The following TOGARAM1 variants were observed in gnomAD, a reference collection of about 807,000 sequenced individuals.
TOGARAM1 encodes TOG array regulator of axonemal microtubules protein 1.
A neutral mutation model predicts 166.6 loss-of-function variants in TOGARAM1; 100 were observed. The ratio of observed to expected loss-of-function variants is 0.60; its 90% confidence interval spans 0.51 to 0.71. The LOEUF (loss-of-function observed/expected upper bound fraction) is 0.71. TOGARAM1 is among the 30% of genes least tolerant of loss of function. The pLI is 0.00. For synonymous variants in TOGARAM1, 758 were observed against 763.8 expected (o/e 0.99, Z 0.13); for missense variants, 2,029 against 2,102.7 (o/e 0.96, Z 0.69).
chr14:45,008,957 A>G lies in TOGARAM1; in HGVS notation c.2949A>G (p.Lys983=), dbSNP rs1049915678. The change falls in exon 6 of 20, where the codon AAA becomes AAG. Residue 983 remains lysine, a synonymous_variant. Coordinates refer to ENST00000361462, the MANE Select transcript of TOGARAM1 (RefSeq NM_001308120.2). Reference sequence around the variant, plus strand: ...CCCTTCGTAATAGTGCAGCTAAGAAAAGAGCAAAACTGAGTGGCAGTACTT... The same window carrying G: ...CCCTTCGTAATAGTGCAGCTAAGAAGAGAGCAAAACTGAGTGGCAGTACTT... ...LRSLRNSAAK[K]RAKLSGSTSD... 1.9e-6 allele frequency: 3 copies of G among 1,614,014 alleles called. No individual in the cohort carries two copies. Among genetic ancestry groups the G allele is most frequent in the Non-Finnish European group, 2.5e-6 (3 of 1,179,996 alleles).
intron 11 of TOGARAM1, among the ~76,000 whole-genome samples, chr14:45,041,294 C>T (rs1594682764): frequency 6.7e-6 from 1 of 150,356 alleles, no homozygotes; most frequent in Non-Finnish European, 1.5e-5. Flanking sequence ...CCAGCTACTC[C>T]AGAGGCTGAG....
At chr14:45,052,413 A>G (rs1359225403) in intron 14 of TOGARAM1, 23 bp from the exon 15 acceptor site, 24 of 1,599,444 alleles carry the variant, frequency 1.5e-5, no homozygotes, top group Non-Finnish European at 2.0e-5. Flanking sequence ...AAAGTAATAT[A>G]CCTGTTTTTC....
intron 1 of TOGARAM1, among the ~76,000 whole-genome samples, chr14:44,994,321 G>T (rs1295593432): frequency 6.6e-6 from 1 of 152,060 alleles, no homozygotes; most frequent in African/African-American, 2.4e-5. Flanking sequence ...GTTTCACCAT[G>T]TTAGCCAGGC....
chr14:45,027,565 C>A, intron 9 of TOGARAM1, 91 bp downstream of exon 9: 1 of 1,030,914 alleles, frequency 9.7e-7, no homozygotes, highest in Non-Finnish European at 1.3e-6. Context: ...GAAAGTATTT[C>A]AATTAAAATT....
At chr14:44,977,543 A>C (rs1886276682) in intron 1 of TOGARAM1, among the ~76,000 whole-genome samples, 1 of 151,864 alleles carries the variant, frequency 6.6e-6, no homozygotes, top group African/African-American at 2.4e-5. Flanking sequence ...GCCAAGACTG[A>C]CTTTTTAAAT....
rs895110947 is a variant in TOGARAM1 at position 45,032,098 on chromosome 14, T to C, written c.3659-125T>C. On this transcript the variant is annotated intron_variant, in intron 10 of 19. Transcript: ENST00000361462. ...TTGCTTGAAGCAGGGAAGTGGAGGT[T>C]GCAGTGAGCTAAGATCGTACTACTG... is the stretch of plus-strand genomic sequence containing the variant. 32 of 747,354 alleles carry C rather than the reference T, an allele frequency of 4.3e-5. No individual in the cohort carries two copies. The African/African-American group carries it at 5.5e-4, about 13-fold the overall frequency. 46.3% of individuals were successfully genotyped at this position (747,354 alleles called of 1,614,324 possible). A position where few individuals can be genotyped will look rare whatever the true frequency, so the allele number is the denominator to read the frequency against.
chr14:45,032,641 T>C (rs1881227569), intron 11 of TOGARAM1, among the ~76,000 whole-genome samples: 2 of 152,208 alleles, frequency 1.3e-5, no homozygotes, highest in African/African-American at 2.4e-5. Flanking sequence ...GATAATGAGA[T>C]ACAAATTTCA....
intron 11 of TOGARAM1, among the ~76,000 whole-genome samples, chr14:45,041,645 ACTT>A (rs1190155154): frequency 6.6e-6 from 1 of 152,190 alleles, no homozygotes; most frequent in Non-Finnish European, 1.5e-5. Context: ...TTAACACAGA[ACTT>A]CTTATTTCCC....
chr14:45,038,616 C>G (rs919954090), intron 11 of TOGARAM1, among the ~76,000 whole-genome samples: 1 of 152,212 alleles, frequency 6.6e-6, no homozygotes, highest in African/African-American at 2.4e-5. Context: ...ACTGCAGAAC[C>G]CCAAAGAGAG....
At chr14:45,054,610 G>T in intron 16 of TOGARAM1, 61 bp downstream of exon 16, 1 of 1,233,192 alleles carries the variant, frequency 8.1e-7, no homozygotes, top group South Asian at 1.5e-5. Flanking sequence ...AGTCTCATTT[G>T]GATGTTTTCA....
intron 7 of TOGARAM1, among the ~76,000 whole-genome samples, chr14:45,022,712 A>G (rs901187244): frequency 2.7e-4 from 41 of 152,122 alleles, no homozygotes; most frequent in African/African-American, 8.4e-4. Context: ...GGATTACCCC[A>G]TACTCAGGGT....
Position 44,963,156 on chromosome 14 carries a change from G to T in TOGARAM1, c.735G>T (p.Glu245Asp). The T allele has an allele frequency of 6.2e-7, 1 of 1,614,184 alleles. No individual in the cohort carries two copies. The highest frequency in any genetic ancestry group is 8.5e-7 in the Non-Finnish European group (1 of 1,180,040). ...ALLLPILLTTEDLLLGLDLTE... is the reference protein window; with the variant it reads ...ALLLPILLTTDDLLLGLDLTE... ...TGCTTCCCATCTTGCTTACTACTGA[G>T]GACTTGTTGCTTGGTCTGGATCTCA... The change falls in exon 1 of 20, where the codon GAG becomes GAT. Residue 245 changes from glutamate (E) to aspartate (D), a missense_variant. By Grantham distance (45) the Glu-to-Asp change is conservative. Transcript: ENST00000361462.
At chr14:45,060,898 C>G (rs1410873793) in intron 16 of TOGARAM1, among the ~76,000 whole-genome samples, 1 of 152,154 alleles carries the variant, frequency 6.6e-6, no homozygotes, top group Non-Finnish European at 1.5e-5. Flanking sequence ...TTCTGCTAGG[C>G]ACTGTACTAT....
At chr14:45,068,035 T>C (rs566564347) in intron 17 of TOGARAM1, among the ~76,000 whole-genome samples, 1 of 152,314 alleles carries the variant, frequency 6.6e-6, no homozygotes, top group South Asian at 2.1e-4. Context: ...AGTCTACTTC[T>C]AGTGTGAAAA....
chr14:45,052,189 T>C (rs1189978084), intron 14 of TOGARAM1, among the ~76,000 whole-genome samples: 1 of 152,240 alleles, frequency 6.6e-6, no homozygotes, highest in Non-Finnish European at 1.5e-5. Context: ...CACAGAATCA[T>C]ATCTCTTTCA....
intron 1 of TOGARAM1, among the ~76,000 whole-genome samples, chr14:44,965,294 GC>G (rs778888516): frequency 1.1e-4 from 17 of 152,120 alleles, no homozygotes; most frequent in Non-Finnish European, 1.9e-4. Context: ...GTAACAGACA[GC>G]CTGTATTTAA....
chr14:44,999,774 G>C (rs1489162176), intron 3 of TOGARAM1, among the ~76,000 whole-genome samples: 5 of 152,160 alleles, frequency 3.3e-5, no homozygotes, highest in Middle Eastern at 6.8e-3. Flanking sequence ...GTACATATTT[G>C]TGGGGGACAT....
At chr14:45,023,230 A>G (rs1192239967) in intron 7 of TOGARAM1, among the ~76,000 whole-genome samples, 1 of 152,196 alleles carries the variant, frequency 6.6e-6, no homozygotes, top group Non-Finnish European at 1.5e-5. Flanking sequence ...CTCGAGCGGC[A>G]TAGGTTTGAG....
At position 45,032,313 on chromosome 14, in the gene TOGARAM1, G is replaced by T. The variant is rs769188598; in HGVS notation, c.3749G>T (p.Arg1250Leu). 2 of 1,614,028 alleles carry T rather than the reference G, an allele frequency of 1.2e-6. No homozygotes were observed. Among genetic ancestry groups the T allele is most frequent in the East Asian group, 2.2e-5 (1 of 44,864 alleles). Residue 1250 changes from arginine (R) to leucine (L), a missense_variant, in exon 11 of 20, where the codon CGA (arginine) becomes CTA (leucine). Transcript: ENST00000361462. Reference sequence around the variant, plus strand: ...GAAATAATGGATCTGTCAGAACTACGACCATTCTCTAAACCAGAAATAGCA... The same window carrying T: ...GAAATAATGGATCTGTCAGAACTACTACCATTCTCTAAACCAGAAATAGCA... The part of the protein sequence containing the change: ...SPEIMDLSEL[R>L]PFSKPEIALT...
Sources: allele counts gnomAD v4.1 joint callset (sites outside exome capture counted in the v4.1 genomes callset), GRCh38; gene constraint gnomAD v4.1.1; transcripts MANE v1.5; gene names NCBI Gene and HGNC (gene_info 2026-07-23, HGNC 2026-07-21).